NCKAP5: variants seen among roughly 807,000 people sequenced by gnomAD.
The protein encoded by NCKAP5 is nck-associated protein 5.
NCKAP5 carries 92 observed loss-of-function variants against 167.0 expected under a neutral mutation model. The ratio of observed to expected loss-of-function variants is 0.55; its 90% CI spans 0.47 to 0.66. The LOEUF is 0.66. NCKAP5 is among the 30% of genes least tolerant of loss of function. The pLI, the probability that NCKAP5 is intolerant of heterozygous loss-of-function variation, is 0.00. For synonymous variants in NCKAP5, 891 were observed against 877.4 expected (o/e 1.02, Z -0.27); for missense variants, 2,378 against 2,315.0 (o/e 1.03, Z -0.56).
At chr2:132,761,260 A>C (rs867830025) in intron 16 of NCKAP5, among the ~76,000 whole-genome samples, 108 of 151,490 alleles carry the variant, frequency 7.1e-4, no homozygotes, top group African/African-American at 2.5e-3. Context: ...CCTTAAAACC[A>C]GGTTCTGGGT....
intron 9 of NCKAP5, among the ~76,000 whole-genome samples, chr2:132,872,605 G>T (rs1342849528): frequency 6.6e-6 from 1 of 152,202 alleles, no homozygotes; most frequent in Non-Finnish European, 1.5e-5. Flanking sequence ...CGGGCGTGGG[G>T]AGCGAGGATC....
chr2:133,261,906 C>T (rs2088926181), intron 4 of NCKAP5, among the ~76,000 whole-genome samples: 1 of 152,098 alleles, frequency 6.6e-6, no homozygotes, highest in East Asian at 1.9e-4. Flanking sequence ...ATGCCAATGC[C>T]AATGTAATTG....
At chr2:133,443,118 G>A (rs1690959828) in intron 3 of NCKAP5, among the ~76,000 whole-genome samples, 1 of 152,216 alleles carries the variant, frequency 6.6e-6, no homozygotes, top group South Asian at 2.1e-4. Context: ...AGGATTGAGA[G>A]ATTCGCTTTT....
At chr2:133,223,391 C>T (rs1272114334) in intron 4 of NCKAP5, among the ~76,000 whole-genome samples, 1 of 152,112 alleles carries the variant, frequency 6.6e-6, no homozygotes, top group East Asian at 1.9e-4. Context: ...TCTCTCCCCA[C>T]ACAGAAGTGC....
chr2:133,472,347 T>C (rs564105856), intron 3 of NCKAP5, among the ~76,000 whole-genome samples: 4 of 152,306 alleles, frequency 2.6e-5, no homozygotes, highest in African/African-American at 7.2e-5. Context: ...TAGCATAAGA[T>C]ATCAAGAGCA....
intron 3 of NCKAP5, among the ~76,000 whole-genome samples, chr2:133,447,940 T>C (rs1691307275): frequency 6.6e-6 from 1 of 152,188 alleles, no homozygotes; most frequent in Non-Finnish European, 1.5e-5. Flanking sequence ...TCTGTCCACA[T>C]GCATGGGCCA....
intron 4 of NCKAP5, among the ~76,000 whole-genome samples, chr2:133,242,906 C>T (rs1318223361): frequency 1.3e-5 from 2 of 152,170 alleles, no homozygotes; most frequent in South Asian, 2.1e-4. Flanking sequence ...TTAGCTCAAG[C>T]GTTAGATGAC....
chr2:133,191,042 C>T (rs1375995557), intron 5 of NCKAP5, among the ~76,000 whole-genome samples: 2 of 152,066 alleles, frequency 1.3e-5, no homozygotes, highest in East Asian at 1.9e-4. Context: ...GGCTAATATA[C>T]AGAATCTACA....
chr2:133,180,714 C>T (rs2084693902), intron 5 of NCKAP5, among the ~76,000 whole-genome samples: 1 of 152,010 alleles, frequency 6.6e-6, no homozygotes, highest in South Asian at 2.1e-4. Flanking sequence ...ATTAAAGATA[C>T]AAATATAAGA....
Position 132,783,611 on chromosome 2 carries a change from C to T in NCKAP5, c.3200G>A (p.Arg1067Lys), listed in dbSNP as rs1374102671. The T allele has an allele frequency of 6.8e-6, 11 of 1,613,896 alleles. No homozygotes were observed. The highest frequency in any genetic ancestry group is 1.3e-5 in the African/African-American group (1 of 75,006). Reference protein sequence around the residue: ...PQRDIGLQTPRISPSTHEPLE... With the variant: ...PQRDIGLQTPKISPSTHEPLE... ...TGGCTCATGGGTTGAAGGAGAGATC[C>T]TGGGAGTCTGTAATCCTATGTCCCT... Residue 1067 changes from arginine to lysine, a missense_variant, in exon 14 of 20, where the codon AGG (arginine) becomes AAG (lysine). Arg to Lys is a conservative substitution (Grantham distance 26, BLOSUM62 2). Transcript: ENST00000409261.
intron 5 of NCKAP5, among the ~76,000 whole-genome samples, chr2:133,210,427 T>C (rs1252020369): frequency 6.6e-6 from 1 of 152,074 alleles, no homozygotes; most frequent in Non-Finnish European, 1.5e-5. Flanking sequence ...ATTTCTTCTA[T>C]ACCATTTTTC....
At chr2:133,634,793 A>C in the NCKAP5 span, among the ~76,000 whole-genome samples, 1 of 152,136 alleles carries the variant, frequency 6.6e-6, no homozygotes, top group South Asian at 2.1e-4. Context: ...ATATTGGGAC[A>C]TACATTTAAA....
At position 133,447,812 on chromosome 2, in the gene NCKAP5, T is replaced by C. The variant is rs188510174; in HGVS notation, c.69+69646A>G. On this transcript the variant is annotated intron_variant, in intron 3 of 19. Transcript: ENST00000409261. ...CTTTCTTTTTCTAAAAGAAGGGAAT[T>C]TGAGACAGTGAATCATCTTGCATCT... Among the ~76,000 whole-genome samples the C allele has an allele frequency of 3.3e-4, 50 of 152,254 alleles. No homozygotes were observed. In the East Asian group the frequency reaches 9.6e-3, roughly 29 times the overall value.
At chr2:132,737,850 C>T (rs941053827) in intron 16 of NCKAP5, among the ~76,000 whole-genome samples, 1 of 152,184 alleles carries the variant, frequency 6.6e-6, no homozygotes, top group Admixed American at 6.5e-5. Context: ...TTTGATTCAT[C>T]TCCTCCATTC....
chr2:133,106,848 G>T (rs936892926), intron 6 of NCKAP5, among the ~76,000 whole-genome samples: 1 of 152,192 alleles, frequency 6.6e-6, no homozygotes, highest in Non-Finnish European at 1.5e-5. Context: ...AAGCATTAGA[G>T]AAATTATTCA....
At chr2:132,719,814 G>A (rs1348512959) in intron 19 of NCKAP5, among the ~76,000 whole-genome samples, 1 of 152,206 alleles carries the variant, frequency 6.6e-6, no homozygotes, top group Non-Finnish European at 1.5e-5. Flanking sequence ...TTGCTTCATA[G>A]TTTGTACTCC....
At chr2:132,908,254 T>G (rs1459570829) in intron 8 of NCKAP5, among the ~76,000 whole-genome samples, 1 of 152,190 alleles carries the variant, frequency 6.6e-6, no homozygotes, top group Non-Finnish European at 1.5e-5. Flanking sequence ...CTAAATTAAG[T>G]AGCTGTGGCC....
chr2:133,561,593 C>T (rs1462576121), intron 1 of NCKAP5, among the ~76,000 whole-genome samples: 2 of 152,162 alleles, frequency 1.3e-5, no homozygotes. Context: ...TATTTACCAA[C>T]TACAATAAAC....
intron 19 of NCKAP5, among the ~76,000 whole-genome samples, chr2:132,704,644 A>G (rs1047715841): frequency 5.3e-5 from 8 of 152,142 alleles, no homozygotes; most frequent in Admixed American, 2.6e-4. Context: ...GAGTCTACCA[A>G]TGTTTTATGG....
Sources: gnomAD v4.1 joint callset for allele counts (sites outside exome capture counted in the v4.1 genomes callset) on GRCh38, gnomAD v4.1.1 for gene constraint, MANE v1.5 for transcripts, NCBI Gene and HGNC (gene_info 2026-07-23, HGNC 2026-07-21) for gene names.